Variants in RFX3 observed in about 807,000 individuals in gnomAD.
RFX3 encodes regulatory factor X3.
Under a neutral mutation model 98.6 loss-of-function variants are expected in RFX3, and 14 were observed. The ratio of observed to expected loss-of-function variants is 0.14; its 90% CI spans 0.09 to 0.22. RFX3 has a LOEUF of 0.22. Ranked by LOEUF, RFX3 falls within the 10% of genes least tolerant of loss-of-function variation. The pLI, the probability that RFX3 is intolerant of heterozygous loss-of-function variation, is 1.00. For missense variants in RFX3, 639 were observed against 926.9 expected (o/e 0.69, Z 4.03); for synonymous variants, 383 against 328.4 (o/e 1.17, Z -1.80).
chr9:3,247,226 T>A, intron 15 of RFX3: 1 of 975,770 alleles, frequency 1.0e-6, no homozygotes, highest in African/African-American at 1.9e-5. Context: ...AGCATTTGCA[T>A]CTATTCCTCA....
chr9:3,376,628 A>C (rs561742654), intron 2 of RFX3, among the ~76,000 whole-genome samples: 51 of 152,318 alleles, frequency 3.3e-4, no homozygotes, highest in African/African-American at 1.1e-3. Flanking sequence ...CTGCACAGCA[A>C]AAGAAACTAC....
chr9:3,505,681 G>C (rs972499727), intron 1 of RFX3, among the ~76,000 whole-genome samples: 2 of 150,352 alleles, frequency 1.3e-5, no homozygotes, highest in African/African-American at 4.9e-5. Context: ...CTTCCTTCAG[G>C]TCTTTGTTCA....
intron 2 of RFX3, among the ~76,000 whole-genome samples, chr9:3,355,587 T>G (rs1168325982): frequency 2.6e-5 from 4 of 151,836 alleles, no homozygotes; most frequent in Non-Finnish European, 4.4e-5. Flanking sequence ...AATTTAAAAA[T>G]CCAGTTACAA....
intron 3 of RFX3, among the ~76,000 whole-genome samples, chr9:3,332,040 T>C (rs966305508): frequency 1.3e-5 from 2 of 152,138 alleles, no homozygotes; most frequent in African/African-American, 4.8e-5. Context: ...CTTTGGAAAT[T>C]ATTGCTTACT....
intron 2 of RFX3, among the ~76,000 whole-genome samples, chr9:3,348,229 T>A (rs903165834): frequency 6.6e-6 from 1 of 152,218 alleles, no homozygotes; most frequent in Non-Finnish European, 1.5e-5. Context: ...CTCTATTTCA[T>A]GTATGCTGTA....
At chr9:3,232,066 G>GCAAGCAAGCAAC (rs1563771458) in intron 15 of RFX3, among the ~76,000 whole-genome samples, 1 of 21,530 alleles carries the variant, frequency 4.6e-5, no homozygotes, top group African/African-American at 1.2e-4. Context: ...AAGCAAGCAA[G>GCAAGCAAGCAAC]CAAGCAAACA....
At chr9:3,410,361 A>G (rs1175302854) in intron 1 of RFX3, among the ~76,000 whole-genome samples, 1 of 152,020 alleles carries the variant, frequency 6.6e-6, no homozygotes, top group African/African-American at 2.4e-5. Flanking sequence ...AGAGTTTCTG[A>G]GTGTCTCAGG....
chr9:3,470,435 C>T (rs1848676004), intron 1 of RFX3, among the ~76,000 whole-genome samples: 1 of 151,902 alleles, frequency 6.6e-6, no homozygotes, highest in African/African-American at 2.4e-5. Context: ...CTGCCTTAGC[C>T]TCCCGAGTAG....
chr9:3,410,161 C>CTCTGTGTGTGTG (rs1554698458), intron 1 of RFX3, among the ~76,000 whole-genome samples: 2 of 114,052 alleles, frequency 1.8e-5, no homozygotes, highest in African/African-American at 3.3e-5. Flanking sequence ...GTGAGATAAA[C>CTCTGTGTGTGTG]TGTGTGTGTG....
intron 1 of RFX3, among the ~76,000 whole-genome samples, chr9:3,443,795 T>C (rs546718310): frequency 6.6e-6 from 1 of 152,356 alleles, no homozygotes; most frequent in African/African-American, 2.4e-5. Flanking sequence ...TCTTCCACAA[T>C]GGTTGAACTA....
chr9:3,238,658 A>G (rs1444134601), intron 15 of RFX3, among the ~76,000 whole-genome samples: 1 of 152,088 alleles, frequency 6.6e-6, no homozygotes, highest in Non-Finnish European at 1.5e-5. Flanking sequence ...CTTAACTTGA[A>G]CTTTGCAACA....
At position 3,256,986 on chromosome 9, in the gene RFX3, G is replaced by T; in HGVS notation, c.1814+5C>A. Reference sequence around the variant, plus strand: ...AAGAAAGCCTAGGAAAAACCTAGATGATACCTGTAGAAAGACCATTTTAGC... The same window carrying T: ...AAGAAAGCCTAGGAAAAACCTAGATTATACCTGTAGAAAGACCATTTTAGC... On this transcript the variant is annotated splice_donor_5th_base_variant and intron_variant, in intron 14 of 16. Transcript: ENST00000617270. The T allele has an allele frequency of 2.5e-6, 4 of 1,613,408 alleles. No homozygotes were observed. Among genetic ancestry groups the T allele is most frequent in the Non-Finnish European group, 3.4e-6 (4 of 1,179,464 alleles).
chr9:3,500,421 G>C (rs568710333), intron 1 of RFX3, among the ~76,000 whole-genome samples: 2 of 152,210 alleles, frequency 1.3e-5, no homozygotes, highest in East Asian at 1.9e-4. Flanking sequence ...AAACAAATAT[G>C]AAAGTTTATA....
rs1817321821 is a variant in RFX3, at chr9:3,221,131, GTT to G, written c.*3909_*3910del. 1 of 152,144 alleles carries G rather than the reference GTT, an allele frequency of 6.6e-6. No homozygotes were observed. Among genetic ancestry groups the G allele is most frequent in the East Asian group, 1.9e-4 (1 of 5,180 alleles). 9.4% of individuals were successfully genotyped at this position (152,144 alleles called of 1,614,324 possible). The stretch of plus-strand genomic sequence containing the variant: ...ATTGTACACAAAGGTGACTTGCCAA[GTT>G]TTTTCTTTCTACTTGTGTCCACACA... On this transcript the variant is annotated 3_prime_UTR_variant, in exon 17 of 17. Transcript: ENST00000617270.
At chr9:3,387,757 A>G (rs929363020) in intron 2 of RFX3, among the ~76,000 whole-genome samples, 4 of 152,122 alleles carry the variant, frequency 2.6e-5, no homozygotes, top group African/African-American at 9.7e-5. Context: ...ATGGGAATCA[A>G]GTCCCAAGTA....
chr9:3,259,433 C>T (rs182594772), intron 13 of RFX3, among the ~76,000 whole-genome samples: 1 of 151,410 alleles, frequency 6.6e-6, no homozygotes, highest in Non-Finnish European at 1.5e-5. Context: ...TAAATATTCC[C>T]TTGTGAAACG....
chr9:3,236,644 C>CAT, intron 15 of RFX3, among the ~76,000 whole-genome samples: 1 of 152,248 alleles, frequency 6.6e-6, no homozygotes, highest in South Asian at 2.1e-4. Context: ...TATCAGATGG[C>CAT]GGAAGTGACC....
chr9:3,226,200 GT>G (rs1446012905), intron 16 of RFX3, among the ~76,000 whole-genome samples: 1 of 152,120 alleles, frequency 6.6e-6, no homozygotes, highest in Non-Finnish European at 1.5e-5. Flanking sequence ...ATTCTCTACT[GT>G]TCTATGGCAT....
chr9:3,258,906 C>T (rs960141707), intron 13 of RFX3, among the ~76,000 whole-genome samples: 2 of 151,294 alleles, frequency 1.3e-5, no homozygotes, highest in African/African-American at 4.8e-5. Context: ...TTATTATATG[C>T]TTATACATAC....
Sources: allele counts gnomAD v4.1 joint callset (sites outside exome capture counted in the v4.1 genomes callset), GRCh38; gene constraint gnomAD v4.1.1; transcripts MANE v1.5; gene names NCBI Gene and HGNC (gene_info 2026-07-23, HGNC 2026-07-21).